PCDH7: variants seen among roughly 807,000 people sequenced by gnomAD.
The protein encoded by PCDH7 is protocadherin 7, also known as protocadherin-7.
PCDH7 carries 17 observed loss-of-function variants against 58.9 expected under a neutral mutation model. The ratio of observed to expected loss-of-function variants is 0.29; its 90% CI spans 0.20 to 0.43. The LOEUF is 0.43. Among genes scored for constraint, PCDH7 ranks in the 20% least tolerant of loss-of-function variants. The pLI, the probability that PCDH7 is intolerant of heterozygous loss-of-function variation, is 1.00. For synonymous variants in PCDH7, 664 were observed against 616.4 expected (o/e 1.08, Z -1.14); for missense variants, 1,274 against 1,441.0 (o/e 0.88, Z 1.88).
At chr4:31,135,009 T>C (rs1385236321) in intron 3 of PCDH7, among the ~76,000 whole-genome samples, 2 of 152,144 alleles carry the variant, frequency 1.3e-5, no homozygotes, top group African/African-American at 4.8e-5. Context: ...AAAGTGGGTA[T>C]GTGTAGGGAG....
At chr4:30,994,126 A>G (rs1751687246) in intron 3 of PCDH7, among the ~76,000 whole-genome samples, 2 of 152,206 alleles carry the variant, frequency 1.3e-5, no homozygotes, top group Admixed American at 1.3e-4. Context: ...ACCTTCAGAA[A>G]CATTATTGAT....
In PCDH7 at chr4:30,825,212, T is replaced by C. The variant is rs374900629; in HGVS notation, c.71-94941T>C. On this transcript the variant is annotated intron_variant, in intron 1 of 3. Transcript: ENST00000509759. ...CTAGTGCTTTGACATTGTTGAGTCATGCCTCAGCTATGGACAAGGCATATT... is the reference window on the plus strand; with the variant it reads ...CTAGTGCTTTGACATTGTTGAGTCACGCCTCAGCTATGGACAAGGCATATT... 6.6e-4 allele frequency among the ~76,000 whole-genome samples: 101 copies of C among 152,302 alleles called. 2 individuals carry two copies. The South Asian group carries it at 0.01, about 15-fold the overall frequency.
chr4:31,069,008 T>A (rs950745040), intron 3 of PCDH7, among the ~76,000 whole-genome samples: 2 of 151,992 alleles, frequency 1.3e-5, no homozygotes, highest in Admixed American at 1.3e-4. Flanking sequence ...ACAGAAAAGA[T>A]GACTTTGTTA....
chr4:30,860,593 G>T (rs1486151207), intron 1 of PCDH7, among the ~76,000 whole-genome samples: 3 of 152,040 alleles, frequency 2.0e-5, no homozygotes, highest in African/African-American at 7.2e-5. Flanking sequence ...CTGCTTATCT[G>T]CCCAGGATCT....
At chr4:31,046,550 T>C (rs1756306154) in intron 3 of PCDH7, among the ~76,000 whole-genome samples, 1 of 152,052 alleles carries the variant, frequency 6.6e-6, no homozygotes, top group East Asian at 1.9e-4. Flanking sequence ...ATGTTTAATT[T>C]TTTTTCAAAA....
chr4:30,797,087 A>G lies in PCDH7; in HGVS notation c.70+72491A>G, dbSNP rs1248038247. On this transcript the variant is annotated intron_variant, in intron 1 of 3. Transcript: ENST00000509759. ...GCAATTCTCGTGCTTCAGCCTCCCA[A>G]GTAGCTGGGACTACAGGCGCATGCC... Among the ~76,000 whole-genome samples the G allele has an allele frequency of 2.6e-5, 4 of 152,028 alleles. No individual in the cohort carries two copies. The East Asian group carries it at 5.8e-4, about 22-fold the overall frequency.
At chr4:31,105,627 T>C (rs1275032938) in intron 3 of PCDH7, among the ~76,000 whole-genome samples, 2 of 152,166 alleles carry the variant, frequency 1.3e-5, no homozygotes, top group African/African-American at 4.8e-5. Flanking sequence ...TAGGTGTGTG[T>C]GCTTGTGTGT....
chr4:31,113,264 A>G (rs1343629395), intron 3 of PCDH7, among the ~76,000 whole-genome samples: 3 of 152,140 alleles, frequency 2.0e-5, no homozygotes, highest in African/African-American at 7.2e-5. Flanking sequence ...CATTTCTTAG[A>G]CTGTTTAGCA....
intron 1 of PCDH7, among the ~76,000 whole-genome samples, chr4:30,780,650 A>T (rs548254453): frequency 1.3e-5 from 2 of 152,318 alleles, no homozygotes; most frequent in East Asian, 3.9e-4. Flanking sequence ...ACTTAATTAC[A>T]TTAGCATTCT....
At chr4:31,052,409 G>A (rs1756830114) in intron 3 of PCDH7, among the ~76,000 whole-genome samples, 1 of 152,102 alleles carries the variant, frequency 6.6e-6, no homozygotes, top group Admixed American at 6.6e-5. Flanking sequence ...GATTCTTGGA[G>A]TTTACAATTC....
chr4:30,788,241 T>A (rs768922278), intron 1 of PCDH7, among the ~76,000 whole-genome samples: 19 of 152,292 alleles, frequency 1.2e-4, no homozygotes, highest in Non-Finnish European at 2.6e-4. Flanking sequence ...CCAGTAATGA[T>A]ATATCAACAT....
chr4:31,023,326 G>A (rs772657944), intron 3 of PCDH7, among the ~76,000 whole-genome samples: 1 of 152,142 alleles, frequency 6.6e-6, no homozygotes, highest in South Asian at 2.1e-4. Context: ...ACTCAGATGA[G>A]GCTCCTGCGT....
At chr4:30,917,171 A>G (rs1258716036) in intron 1 of PCDH7, among the ~76,000 whole-genome samples, 1 of 151,968 alleles carries the variant, frequency 6.6e-6, no homozygotes, top group South Asian at 2.1e-4. Context: ...TCAAGACTCA[A>G]TTGTCTGCCT....
At chr4:30,847,993 A>G (rs1051224517) in intron 1 of PCDH7, among the ~76,000 whole-genome samples, 13 of 152,262 alleles carry the variant, frequency 8.5e-5, no homozygotes, top group African/African-American at 2.4e-4. Context: ...GCAGCTATTA[A>G]TATATATTTA....
intron 1 of PCDH7, among the ~76,000 whole-genome samples, chr4:30,811,804 T>C (rs1261629709): frequency 6.6e-6 from 1 of 152,144 alleles, no homozygotes; most frequent in Non-Finnish European, 1.5e-5. Context: ...CCTAATGTGG[T>C]CCTGACTGGG....
intron 3 of PCDH7, among the ~76,000 whole-genome samples, chr4:30,951,625 C>A (rs1277158886): frequency 6.6e-6 from 1 of 152,136 alleles, no homozygotes; most frequent in Non-Finnish European, 1.5e-5. Flanking sequence ...TAACAGCAAC[C>A]ATGTACTGAG....
At chr4:30,977,751 T>C (rs1416115591) in intron 3 of PCDH7, among the ~76,000 whole-genome samples, 1 of 152,182 alleles carries the variant, frequency 6.6e-6, no homozygotes, top group Non-Finnish European at 1.5e-5. Context: ...TGTGGCTCTT[T>C]ATCACTCAGC....
intron 3 of PCDH7, among the ~76,000 whole-genome samples, chr4:31,132,763 A>C (rs1388587064): frequency 1.3e-5 from 2 of 152,178 alleles, no homozygotes; most frequent in African/African-American, 4.8e-5. Flanking sequence ...TGATAACAAG[A>C]ACTGATTTTA....
chr4:30,763,993 C>T (rs1192875042), intron 1 of PCDH7, among the ~76,000 whole-genome samples: 1 of 152,164 alleles, frequency 6.6e-6, no homozygotes, highest in Non-Finnish European at 1.5e-5. Flanking sequence ...TAAATCCTCA[C>T]TCGGAGCTTG....
Sources: allele counts gnomAD v4.1 joint callset (sites outside exome capture counted in the v4.1 genomes callset), GRCh38; gene constraint gnomAD v4.1.1; transcripts MANE v1.5; gene names NCBI Gene and HGNC (gene_info 2026-07-23, HGNC 2026-07-21).